HMOX2: variants seen among roughly 807,000 people sequenced by gnomAD.
HMOX2 encodes heme oxygenase (decycling) 2.
Under a neutral mutation model 33.7 loss-of-function variants are expected in HMOX2, and 30 were observed. That is an observed-to-expected ratio of 0.89 (90% CI 0.67 to 1.21). HMOX2 has a LOEUF of 1.21. Ranked by LOEUF, HMOX2 falls within the 50% of genes most tolerant of loss-of-function variation. The pLI, the probability that HMOX2 is intolerant of heterozygous loss-of-function variation, is 0.00. For synonymous variants in HMOX2, 155 were observed against 155.0 expected, an observed-to-expected ratio of 1.00 and a Z score of 0.00; for missense variants, 403 against 399.1, an observed-to-expected ratio of 1.01 and a Z score of -0.08.
At chr16:4,491,274 C>G (rs2058299100) in intron 1 of HMOX2, among the ~76,000 whole-genome samples, 1 of 152,168 alleles carries the variant, frequency 6.6e-6, no homozygotes, top group African/African-American at 2.4e-5. Context: ...CTGGAGGGCC[C>G]TTCACCTAAG....
At chr16:4,485,001 T>G (rs1372223322) in intron 1 of HMOX2, among the ~76,000 whole-genome samples, 3 of 151,968 alleles carry the variant, frequency 2.0e-5, no homozygotes, top group African/African-American at 7.3e-5. Flanking sequence ...CATCTCACTC[T>G]GTCACCGAGG....
rs17886990 is a variant in HMOX2, at chr16:4,500,151, T to A, written c.-41-5333T>A. On this transcript the variant is annotated intron_variant, in intron 1 of 5. Coordinates refer to ENST00000570646, the MANE Select transcript of HMOX2 (RefSeq NM_002134.4). ...CTGGGAAGACAGGATGACAGTCAGT[T>A]GTGGAAGCTGAAGCGTAATCACCTC... Among the ~76,000 whole-genome samples, 154 of 152,326 alleles carry A rather than the reference T, an allele frequency of 1.0e-3. 1 individual carries two copies. The highest frequency in any genetic ancestry group is 6.8e-3 in the Middle Eastern group (2 of 294).
At chr16:4,499,475 T>C (rs897863391) in intron 1 of HMOX2, among the ~76,000 whole-genome samples, 1 of 151,528 alleles carries the variant, frequency 6.6e-6, no homozygotes, top group Non-Finnish European at 1.5e-5. Context: ...AGAAGGAGAG[T>C]GTAACATGTT....
At chr16:4,480,651 ATT>A (rs776262645) in intron 1 of HMOX2, among the ~76,000 whole-genome samples, 25 of 119,490 alleles carry the variant, frequency 2.1e-4, no homozygotes, top group Admixed American at 3.4e-4. Flanking sequence ...AGGGCCTACT[ATT>A]TTTTTTTTTT....
At chr16:4,477,247 C>T (rs988158577) in intron 1 of HMOX2, among the ~76,000 whole-genome samples, 2 of 152,094 alleles carry the variant, frequency 1.3e-5, no homozygotes, top group African/African-American at 4.8e-5. Context: ...GCCTGTAATT[C>T]CAGCACTTTG....
Position 4,507,747 on chromosome 16 carries a change from C to A in HMOX2, c.239C>A (p.Ala80Asp). The change falls in exon 4 of 6, where the codon GCC (alanine) becomes GAC (aspartate). Residue 80 changes from alanine to aspartate, a missense_variant. Ala to Asp is a moderately radical substitution (Grantham distance 126). Coordinates refer to ENST00000570646, the MANE Select transcript of HMOX2 (RefSeq NM_002134.4). ...ATTALYFTYS[A>D]LEEEMERNKD... The stretch of plus-strand genomic sequence containing the variant: ...ACGGCACTTTACTTCACATACTCAG[C>A]CCTCGAGGAGGAAATGGAGCGCAAC... The A allele has an allele frequency of 6.2e-7, 1 of 1,614,112 alleles. No homozygotes were observed. The highest frequency in any genetic ancestry group is 8.5e-7 in the Non-Finnish European group (1 of 1,180,008).
intron 3 of HMOX2, among the ~76,000 whole-genome samples, chr16:4,507,503 A>C (rs1023031693): frequency 2.4e-4 from 37 of 152,146 alleles, no homozygotes; most frequent in Non-Finnish European, 1.0e-4. Context: ...TAGTGGTGTG[A>C]AGGAAGCAAA....
chr16:4,475,500 C>CG (rs1852150362), upstream of HMOX2, among the ~76,000 whole-genome samples: 1 of 151,398 alleles, frequency 6.6e-6, no homozygotes, highest in Admixed American at 6.6e-5. Context: ...TTGGTAGAGA[C>CG]GGGGTTTCAA....
At chr16:4,477,470 GC>G (rs2057891678) in intron 1 of HMOX2, among the ~76,000 whole-genome samples, 1 of 135,264 alleles carries the variant, frequency 7.4e-6, no homozygotes, top group African/African-American at 2.8e-5. Context: ...TTGCACTCCA[GC>G]CTGGGCGACA....
intron 1 of HMOX2, chr16:4,496,034 G>A (rs372403965): frequency 2.7e-4 from 41 of 152,254 alleles, no homozygotes; most frequent in African/African-American, 9.6e-4. Flanking sequence ...CAAGGTGAGT[G>A]TTTTAGGGAC....
intron 2 of HMOX2, 54 bp from the exon 3 acceptor site, chr16:4,506,841 C>T: frequency 1.5e-6 from 2 of 1,326,316 alleles, no homozygotes; most frequent in Non-Finnish European, 2.2e-6. Flanking sequence ...ATGGTCCTTT[C>T]TGGAAAGCTG....
intron 1 of HMOX2, 80 bp from the exon 2 acceptor site, chr16:4,505,404 C>G: frequency 1.5e-6 from 1 of 654,872 alleles, no homozygotes; most frequent in Non-Finnish European, 2.7e-6. Flanking sequence ...TACATTCGCT[C>G]TGAGGAAAGC....
intron 1 of HMOX2, among the ~76,000 whole-genome samples, chr16:4,476,925 C>T (rs1488015091): frequency 3.3e-5 from 5 of 152,154 alleles, no homozygotes; most frequent in African/African-American, 1.2e-4. Context: ...GGCTGTTTCC[C>T]GGGCTGTTGG....
chr16:4,489,589 G>A (rs748438782), intron 1 of HMOX2, among the ~76,000 whole-genome samples: 6 of 152,178 alleles, frequency 3.9e-5, no homozygotes, highest in Non-Finnish European at 7.3e-5. Context: ...CTCCCAGGTA[G>A]CTGGGACTAC....
chr16:4,489,031 G>T (rs986614093), intron 1 of HMOX2, among the ~76,000 whole-genome samples: 3 of 151,940 alleles, frequency 2.0e-5, no homozygotes, highest in Non-Finnish European at 4.4e-5. Context: ...TTTTTGCCTT[G>T]TTGCCCAGGC....
intron 1 of HMOX2, among the ~76,000 whole-genome samples, chr16:4,481,137 G>A (rs771534069): frequency 6.6e-6 from 1 of 151,196 alleles, no homozygotes; most frequent in African/African-American, 2.4e-5. Flanking sequence ...ACGAGGTCAG[G>A]AGATCGAGAC....
intron 1 of HMOX2, among the ~76,000 whole-genome samples, chr16:4,497,028 T>C (rs1420900559): frequency 6.6e-6 from 1 of 151,978 alleles, no homozygotes; most frequent in African/African-American, 2.4e-5. Flanking sequence ...TTCAGGCTGT[T>C]TATAGAGAGG....
intron 1 of HMOX2, among the ~76,000 whole-genome samples, chr16:4,490,217 T>G (rs950089143): frequency 2.0e-5 from 3 of 152,192 alleles, no homozygotes; most frequent in Admixed American, 6.5e-5. Context: ...TTGGATCTTA[T>G]TTTTAGAAAC....
rs187103513 is a variant in HMOX2 at position 4,484,224 on chromosome 16, T to C, written c.-42+7737T>C. ...CTCCTGACCTCATGATCCACCCACC[T>C]TGGCCTCCCAAAGTGCTGGGATTAC... is the stretch of plus-strand genomic sequence containing the variant. On this transcript the variant is annotated intron_variant, in intron 1 of 5. Transcript: ENST00000570646. Among the ~76,000 whole-genome samples, 96 of 152,228 alleles carry C rather than the reference T, an allele frequency of 6.3e-4. No homozygotes were observed. In the East Asian group the frequency reaches 0.016, roughly 25 times the overall value.
Sources: gnomAD v4.1 joint callset for allele counts (sites outside exome capture counted in the v4.1 genomes callset) on GRCh38, gnomAD v4.1.1 for gene constraint, MANE v1.5 for transcripts, NCBI Gene and HGNC (gene_info 2026-07-23, HGNC 2026-07-21) for gene names.